DOCK8: variants seen among roughly 807,000 people sequenced by gnomAD.
DOCK8 encodes the protein dedicator of cytokinesis 8, also known as dedicator of cytokinesis protein 8.
Under a neutral mutation model 245.6 loss-of-function variants are expected in DOCK8, and 141 were observed. The observed-to-expected ratio is 0.57, with a 90% confidence interval of 0.50 to 0.66. DOCK8 has a LOEUF of 0.66. Among genes scored for constraint, DOCK8 ranks in the 30% least tolerant of loss-of-function variants. The probability of loss-of-function intolerance (pLI) is 0.00; values close to 1 mark genes in which losing one functional copy is unlikely to be tolerated. For missense variants in DOCK8, 2,965 were observed against 2,603.4 expected (o/e 1.14, Z -3.02); for synonymous variants, 1,168 against 970.2 (o/e 1.20, Z -3.79).
At chr9:293,732 G>C (rs1384677833) in intron 4 of DOCK8, among the ~76,000 whole-genome samples, 1 of 152,238 alleles carries the variant, frequency 6.6e-6, no homozygotes, top group East Asian at 1.9e-4. Flanking sequence ...ATTTGGATGA[G>C]TTTCCAGTTT....
chr9:245,269 A>G (rs1309903618), intron 1 of DOCK8, among the ~76,000 whole-genome samples: 4 of 152,056 alleles, frequency 2.6e-5, no homozygotes, highest in Non-Finnish European at 4.4e-5. Context: ...CAGTGGCACA[A>G]TCTCAGCTCA....
rs2051451601 is a variant in DOCK8 at position 339,082 on chromosome 9, G to A, written c.1499G>A (p.Arg500Gln). ...AAAAGATCATCATCCTTACAGAGAC[G>A]AGTCAAGTCAATTCCAGGTGTGAAT... is the stretch of plus-strand genomic sequence containing the variant. ...DYKRSSSLQR[R>Q]VKSIPGLLRL... Residue 500 changes from arginine (R) to glutamine (Q), a missense_variant, in exon 13 of 48, where the codon CGA becomes CAA. By Grantham distance (43) the Arg-to-Gln change is conservative (BLOSUM62 1). Coordinates refer to ENST00000432829, the MANE Select transcript of DOCK8 (RefSeq NM_203447.4). The A allele has an allele frequency of 1.2e-6, 2 of 1,614,064 alleles. No individual in the cohort carries two copies. Among genetic ancestry groups the A allele is most frequent in the Non-Finnish European group, 8.5e-7 (1 of 1,179,976 alleles).
chr9:300,137 T>C (rs1024536770), intron 4 of DOCK8, among the ~76,000 whole-genome samples: 1 of 152,210 alleles, frequency 6.6e-6, no homozygotes, highest in African/African-American at 2.4e-5. Flanking sequence ...AAACAAATTG[T>C]TTGTCTTCAG....
chr9:456,024 G>C (rs747482914), intron 46 of DOCK8, among the ~76,000 whole-genome samples: 1 of 152,148 alleles, frequency 6.6e-6, no homozygotes, highest in Non-Finnish European at 1.5e-5. Flanking sequence ...AAACAGTACT[G>C]CTGCTCATTA....
chr9:393,101 AAAAAAAAAAAAAAG>A (rs1258670891), intron 24 of DOCK8, among the ~76,000 whole-genome samples: 4 of 150,044 alleles, frequency 2.7e-5, no homozygotes, highest in African/African-American at 9.9e-5. Context: ...AAAAAAAAAA[AAAAAAAAAAAAAAG>A]AAGAAGAAGA....
chr9:411,795 C>A (rs1177005305), intron 28 of DOCK8, among the ~76,000 whole-genome samples: 1 of 152,118 alleles, frequency 6.6e-6, no homozygotes, highest in South Asian at 2.1e-4. Context: ...ACCTGAAAAT[C>A]AATTGTTGTA....
At chr9:229,241 T>A (rs2047053281) in intron 1 of DOCK8, among the ~76,000 whole-genome samples, 1 of 152,028 alleles carries the variant, frequency 6.6e-6, no homozygotes, top group Non-Finnish European at 1.5e-5. Context: ...GATTTCAGAA[T>A]GTTTAATCAG....
intron 1 of DOCK8, among the ~76,000 whole-genome samples, chr9:224,231 A>G (rs1002272741): frequency 3.3e-5 from 5 of 152,164 alleles, no homozygotes; most frequent in Non-Finnish European, 5.9e-5. Flanking sequence ...CCACTTACTC[A>G]TTTCCTGAAA....
At chr9:334,035 C>T (rs1294700586) in intron 10 of DOCK8, among the ~76,000 whole-genome samples, 190 bp from the exon 11 acceptor site, 3 of 119,192 alleles carry the variant, frequency 2.5e-5, no homozygotes, top group Admixed American at 9.0e-5. Context: ...TCTTTATTTC[C>T]TTATCAGCTA....
At chr9:244,087 C>G (rs10965850) in intron 1 of DOCK8, among the ~76,000 whole-genome samples, 1 of 150,724 alleles carries the variant, frequency 6.6e-6, no homozygotes, top group Non-Finnish European at 1.5e-5. Flanking sequence ...ACTCTGGAGG[C>G]TGAGGCAGGA....
intron 29 of DOCK8, 129 bp from the exon 30 acceptor site, chr9:417,939 A>G: frequency 8.7e-7 from 1 of 1,148,818 alleles, no homozygotes; most frequent in Non-Finnish European, 1.3e-6. Flanking sequence ...CAGATACATA[A>G]TGCTAAACAT....
intron 7 of DOCK8, among the ~76,000 whole-genome samples, chr9:323,116 C>T (rs1247111838): frequency 6.6e-6 from 1 of 151,354 alleles, no homozygotes; most frequent in African/African-American, 2.4e-5. Context: ...AAAGAAAGCC[C>T]CCAATTAATG....
rs140114637 is a variant in DOCK8, at chr9:396,771, A to G, written c.2971-14A>G. On this transcript the variant is annotated splice_polypyrimidine_tract_variant and intron_variant, in intron 24 of 47. Transcript: ENST00000432829. ...CAATCTCCATGTTGACATTTCCTCCATCCCCCTCCGCAGGTGAAAAGCATG... is the reference window on the plus strand; with the variant it reads ...CAATCTCCATGTTGACATTTCCTCCGTCCCCCTCCGCAGGTGAAAAGCATG... 1.9e-3 allele frequency: 3,011 copies of G among 1,613,968 alleles called. 44 individuals are homozygous for G. In the African/African-American group the frequency reaches 0.031, roughly 17 times the overall value.
At chr9:344,389 CT>C (rs1440788402) in intron 14 of DOCK8, among the ~76,000 whole-genome samples, 1 of 152,122 alleles carries the variant, frequency 6.6e-6, no homozygotes, top group Non-Finnish European at 1.5e-5. Flanking sequence ...TTCTCCAGTC[CT>C]TGTGTGCTTT....
chr9:326,285 T>A (rs1472863929), intron 8 of DOCK8, among the ~76,000 whole-genome samples: 1 of 152,236 alleles, frequency 6.6e-6, no homozygotes, highest in African/African-American at 2.4e-5. Flanking sequence ...TGGACACTTC[T>A]GCCCTTCTTT....
At chr9:339,150 G>C (rs146330319) in intron 13 of DOCK8, 51 bp downstream of exon 13, 1 of 1,440,732 alleles carries the variant, frequency 6.9e-7, no homozygotes, top group Non-Finnish European at 9.8e-7. Context: ...ACTGCTTATC[G>C]TTAGACACAG....
At chr9:352,043 T>C (rs990429224) in intron 14 of DOCK8, among the ~76,000 whole-genome samples, 1 of 152,060 alleles carries the variant, frequency 6.6e-6, no homozygotes, top group Non-Finnish European at 1.5e-5. Context: ...GAGAAGGAAG[T>C]GGAGAATGCA....
At chr9:223,562 G>T (rs987541985) in intron 1 of DOCK8, among the ~76,000 whole-genome samples, 1 of 151,372 alleles carries the variant, frequency 6.6e-6, no homozygotes, top group Non-Finnish European at 1.5e-5. Flanking sequence ...AATCCTTTTA[G>T]AATTATTCTC....
intron 16 of DOCK8, among the ~76,000 whole-genome samples, chr9:371,186 T>G (rs1335929202): frequency 3.3e-5 from 5 of 152,152 alleles, no homozygotes; most frequent in African/African-American, 1.2e-4. Context: ...TTTTGTTTTT[T>G]GTTTTTTGTT....
Sources: gnomAD v4.1 joint callset for allele counts (sites outside exome capture counted in the v4.1 genomes callset) on GRCh38, gnomAD v4.1.1 for gene constraint, MANE v1.5 for transcripts, NCBI Gene and HGNC (gene_info 2026-07-23, HGNC 2026-07-21) for gene names.